Variants in POU6F2 observed in about 807,000 individuals in gnomAD.
The protein encoded by POU6F2 is POU domain, class 6, transcription factor 2.
POU6F2 carries 31 observed loss-of-function variants against 71.3 expected under a neutral mutation model. That is an observed-to-expected ratio of 0.43 (90% CI 0.33 to 0.59). The LOEUF (loss-of-function observed/expected upper bound fraction) is 0.59. Ranked by LOEUF, POU6F2 falls within the 20% of genes least tolerant of loss-of-function variation. The probability of loss-of-function intolerance (pLI) is 0.04; values close to 1 mark genes in which losing one functional copy is unlikely to be tolerated. For synonymous variants in POU6F2, 347 were observed against 355.7 expected (o/e 0.98, Z 0.27); for missense variants, 783 against 856.8 (o/e 0.91, Z 1.07).
intron 1 of POU6F2, among the ~76,000 whole-genome samples, chr7:38,990,653 G>T (rs191420588): frequency 6.6e-6 from 1 of 152,080 alleles, no homozygotes; most frequent in Non-Finnish European, 1.5e-5. Flanking sequence ...AGACAGCGTT[G>T]TTCTTTTTCT....
Position 39,460,660 on chromosome 7 carries a change from G to A in POU6F2, c.1603G>A (p.Gly535Arg), listed in dbSNP as rs1255229574. 4 of 1,609,618 alleles carry A rather than the reference G, an allele frequency of 2.5e-6. No individual in the cohort carries two copies. Among genetic ancestry groups the A allele is most frequent in the South Asian group, 2.2e-5 (2 of 90,070 alleles). ...CCTTGGCCTGACCCAGACTCAGGTG[G>A]GACAGGCTCTCAGTGCTACAGAGGG... Reference protein sequence around the residue: ...LSLGLTQTQVGQALSATEGPA... With the variant: ...LSLGLTQTQVRQALSATEGPA... The change falls in exon 9 of 10, where the codon GGA becomes AGA. Residue 535 changes from glycine to arginine, a missense_variant. This residue lies in a region of POU6F2 where 211 missense variants were observed against 283.9 expected (regional missense o/e 0.74). Coordinates refer to ENST00000518318, the MANE Select transcript of POU6F2 (RefSeq NM_001370959.1). This position sits in a 1 kb window ranked among gnomAD's most constrained non-coding sequence, Gnocchi z 4.4.
At chr7:39,225,035 G>A (rs1277919428) in intron 4 of POU6F2, among the ~76,000 whole-genome samples, 1 of 152,138 alleles carries the variant, frequency 6.6e-6, no homozygotes, top group Non-Finnish European at 1.5e-5. Flanking sequence ...TCAATATTGT[G>A]TTCACATAGA....
intron 7 of POU6F2, among the ~76,000 whole-genome samples, chr7:39,445,930 G>A (rs886780293): frequency 6.6e-6 from 1 of 152,182 alleles, no homozygotes; most frequent in Non-Finnish European, 1.5e-5. Flanking sequence ...ACCCACAGTA[G>A]CAGCATCACC....
intron 1 of POU6F2, among the ~76,000 whole-genome samples, chr7:39,059,502 T>TAAAAAAA (rs1790606547): frequency 8.4e-6 from 1 of 118,502 alleles, no homozygotes. Flanking sequence ...ATGTCTGTAA[T>TAAAAAAA]TAAAAAAAAA....
Position 39,032,192 on chromosome 7 carries a change from G to C in POU6F2, c.106-53668G>C, listed in dbSNP as rs1789959251. 2.0e-5 allele frequency among the ~76,000 whole-genome samples: 3 copies of C among 152,068 alleles called. No individual in the cohort carries two copies. The South Asian group carries it at 6.2e-4, about 31-fold the overall frequency. The stretch of plus-strand genomic sequence containing the variant: ...GATGTTGGACTTTTTGTAGAAATTT[G>C]ACCTTATTTCTTAGGATTCTTAACA... On this transcript the variant is annotated intron_variant, in intron 1 of 9. Coordinates refer to ENST00000518318, the MANE Select transcript of POU6F2 (RefSeq NM_001370959.1).
intron 2 of POU6F2, among the ~76,000 whole-genome samples, chr7:39,150,840 T>C (rs1792741615): frequency 6.6e-6 from 1 of 151,968 alleles, no homozygotes; most frequent in Non-Finnish European, 1.5e-5. Flanking sequence ...TGTAATCTTT[T>C]GACTTTTTGA....
chr7:39,441,353 A>G lies in POU6F2; in HGVS notation c.1320+8070A>G, dbSNP rs76024021. ...AACACAAAGAAGAATTAATGAGAGC[A>G]TGTACTTGGAGTTGAGTACATGGGA... On this transcript the variant is annotated intron_variant, in intron 7 of 9. Transcript: ENST00000518318. Among the ~76,000 whole-genome samples, 814 of 134,670 alleles carry G rather than the reference A, an allele frequency of 6.0e-3. 25 individuals are homozygous for G. The East Asian group carries it at 0.12, about 21-fold the overall frequency. 88.3% of individuals were successfully genotyped at this position (134,670 alleles called of 152,430 possible).
At chr7:39,098,221 A>G (rs1022856426) in intron 2 of POU6F2, among the ~76,000 whole-genome samples, 1 of 151,712 alleles carries the variant, frequency 6.6e-6, no homozygotes, top group Non-Finnish European at 1.5e-5. Context: ...ACGTTTTTAC[A>G]TGTGTTCTCT....
At position 39,426,083 on chromosome 7, in the gene POU6F2, G is replaced by A. The variant is rs114019419; in HGVS notation, c.1114-6994G>A. On this transcript the variant is annotated intron_variant, in intron 6 of 9. Transcript: ENST00000518318. ...GCTCCTTCCTGCTGCTTGCTGCTGT[G>A]GGAAAGGGTAGCCGGCCCCTCCTGC... 6.2e-3 allele frequency among the ~76,000 whole-genome samples: 938 copies of A among 152,302 alleles called. 6 individuals carry two copies. Among genetic ancestry groups the A allele is most frequent in the African/African-American group, 0.022 (902 of 41,564 alleles).
intron 7 of POU6F2, among the ~76,000 whole-genome samples, chr7:39,449,699 A>G (rs1302968128): frequency 1.3e-5 from 2 of 152,200 alleles, no homozygotes; most frequent in East Asian, 3.8e-4. Context: ...AAACAACCCA[A>G]ACACCCACCA....
At chr7:39,457,988 A>T (rs1338700550) in intron 8 of POU6F2, among the ~76,000 whole-genome samples, 1 of 151,902 alleles carries the variant, frequency 6.6e-6, no homozygotes, top group African/African-American at 2.4e-5. Context: ...TTTTGTTTTT[A>T]TCTTAATTGC....
intron 1 of POU6F2, among the ~76,000 whole-genome samples, chr7:39,015,931 A>AT (rs1230791242): frequency 0.063 from 2,050 of 32,448 alleles, 242 homozygotes; most frequent in Middle Eastern, 0.088. Context: ...ATAGATATAT[A>AT]TAATATATAG....
chr7:39,265,558 A>G (rs922431129), intron 4 of POU6F2, among the ~76,000 whole-genome samples: 2 of 152,174 alleles, frequency 1.3e-5, no homozygotes, highest in African/African-American at 4.8e-5. Flanking sequence ...CCGTTGAAAT[A>G]CTCCACATTT....
chr7:38,981,043 A>G (rs529977532), intron 1 of POU6F2, among the ~76,000 whole-genome samples: 131 of 152,338 alleles, frequency 8.6e-4, no homozygotes, highest in Non-Finnish European at 1.5e-3. Flanking sequence ...ATCAAGATGA[A>G]GAAACTTGGT....
At chr7:39,277,393 T>TA (rs1157496030) in intron 4 of POU6F2, among the ~76,000 whole-genome samples, 6 of 152,120 alleles carry the variant, frequency 3.9e-5, no homozygotes, top group Non-Finnish European at 7.4e-5. Flanking sequence ...TTCCAGCCCT[T>TA]GCCCCCCTCC....
intron 2 of POU6F2, among the ~76,000 whole-genome samples, chr7:39,197,270 A>G (rs896153538): frequency 1.3e-5 from 2 of 150,544 alleles, no homozygotes; most frequent in East Asian, 1.9e-4. Flanking sequence ...TATGCTCAGC[A>G]TGCAACTCCT....
chr7:39,243,769 A>G (rs1783766933), intron 4 of POU6F2, among the ~76,000 whole-genome samples: 1 of 151,920 alleles, frequency 6.6e-6, no homozygotes, highest in South Asian at 2.1e-4. Flanking sequence ...TAGTACTCTA[A>G]TCCCCAGAAA....
At chr7:38,999,758 G>A (rs966871096) in intron 1 of POU6F2, among the ~76,000 whole-genome samples, 3 of 152,170 alleles carry the variant, frequency 2.0e-5, no homozygotes, top group African/African-American at 7.2e-5. Context: ...TAGTAACGCT[G>A]TGACATTAAT....
At chr7:39,322,276 T>C (rs1785413535) in intron 4 of POU6F2, among the ~76,000 whole-genome samples, 1 of 152,198 alleles carries the variant, frequency 6.6e-6, no homozygotes, top group African/African-American at 2.4e-5. Context: ...CACTTGCACC[T>C]TATGCTTTGG....
Sources: gnomAD v4.1 joint callset for allele counts (sites outside exome capture counted in the v4.1 genomes callset) on GRCh38, gnomAD v4.1.1 for gene constraint, gnomAD v4.1.1 regional missense constraint, Gnocchi (gnomAD v3.1) non-coding constraint, MANE v1.5 for transcripts, NCBI Gene and HGNC (gene_info 2026-07-23, HGNC 2026-07-21) for gene names.